The following ABCA12 variants were observed in gnomAD, a reference collection of about 807,000 sequenced individuals.
The protein encoded by ABCA12 is glucosylceramide transporter ABCA12.
ABCA12 carries 156 observed loss-of-function variants against 293.5 expected under a neutral mutation model. The observed-to-expected ratio is 0.53, with a 90% CI of 0.47 to 0.61. The LOEUF is 0.61. ABCA12 is among the 20% of genes least tolerant of loss of function. The pLI is 0.00. For synonymous variants in ABCA12, 1,063 were observed against 1,108.0 expected (o/e 0.96, Z 0.81); for missense variants, 2,797 against 3,090.2 (o/e 0.91, Z 2.25).
chr2:214,999,262 A>T (rs1025591830), intron 22 of ABCA12, among the ~76,000 whole-genome samples: 18 of 152,210 alleles, frequency 1.2e-4, no homozygotes, highest in Non-Finnish European at 1.5e-5. Context: ...ATTCATTAAC[A>T]ACAAATCCCC....
chr2:215,116,448 A>G (rs1315680662), intron 1 of ABCA12, among the ~76,000 whole-genome samples: 2 of 152,214 alleles, frequency 1.3e-5, no homozygotes, highest in African/African-American at 4.8e-5. Flanking sequence ...ATAGATAGGT[A>G]GGTAGATAGA....
At chr2:215,054,449 T>C in intron 4 of ABCA12, 124 bp downstream of exon 4, 1 of 825,268 alleles carries the variant, frequency 1.2e-6, no homozygotes, top group East Asian at 2.6e-5. Context: ...AACGTTTAGA[T>C]CTCACAGGGC....
intron 3 of ABCA12, among the ~76,000 whole-genome samples, chr2:215,056,878 A>G (rs1261439064): frequency 6.6e-6 from 1 of 152,080 alleles, no homozygotes; most frequent in Non-Finnish European, 1.5e-5. Context: ...GAGCAGGATC[A>G]TGTTTATAGA....
chr2:214,944,005 T>C (rs1698494348), intron 49 of ABCA12, among the ~76,000 whole-genome samples: 1 of 152,148 alleles, frequency 6.6e-6, no homozygotes, highest in African/African-American at 2.4e-5. Flanking sequence ...ATGGATAAAA[T>C]GATTTAGTAT....
chr2:215,059,696 T>C (rs537193378), intron 3 of ABCA12, among the ~76,000 whole-genome samples: 1 of 152,064 alleles, frequency 6.6e-6, no homozygotes, highest in South Asian at 2.1e-4. Flanking sequence ...CAGGAACACA[T>C]AGAATATGGG....
chr2:215,093,094 C>A (rs1218739154), intron 2 of ABCA12, among the ~76,000 whole-genome samples: 1 of 152,208 alleles, frequency 6.6e-6, no homozygotes, highest in Non-Finnish European at 1.5e-5. Flanking sequence ...ACAGGACACT[C>A]TCCTGTTCCT....
At chr2:215,059,036 T>C (rs1701476639) in intron 3 of ABCA12, among the ~76,000 whole-genome samples, 3 of 151,996 alleles carry the variant, frequency 2.0e-5, no homozygotes, top group Admixed American at 2.0e-4. Context: ...CATAATCTAT[T>C]TATAAGAGGA....
intron 23 of ABCA12, among the ~76,000 whole-genome samples, chr2:214,991,454 A>G (rs1699910249): frequency 6.6e-6 from 1 of 152,220 alleles, no homozygotes; most frequent in South Asian, 2.1e-4. Flanking sequence ...AGTTCAGTGT[A>G]GAGACTGAGC....
At chr2:215,043,715 T>C (rs1701147865) in intron 7 of ABCA12, among the ~76,000 whole-genome samples, 1 of 152,076 alleles carries the variant, frequency 6.6e-6, no homozygotes, top group Non-Finnish European at 1.5e-5. Flanking sequence ...TTGTATAAAC[T>C]TACGGGGTAC....
Position 214,947,406 on chromosome 2 carries a change from A to G in ABCA12, c.7239+16T>C, listed in dbSNP as rs1296425844. The G allele has an allele frequency of 6.2e-7, 1 of 1,613,654 alleles. No individual in the cohort carries two copies. Among genetic ancestry groups the G allele is most frequent in the African/African-American group, 1.3e-5 (1 of 74,922 alleles). On this transcript the variant is annotated intron_variant, in intron 48 of 52. Coordinates refer to ENST00000272895, the MANE Select transcript of ABCA12 (RefSeq NM_173076.3). ...TCTAATTATGGAGTGGCCTGTTTAA[A>G]TAATGATTCTCTTACCAGCAGTAGA...
At position 215,007,794 on chromosome 2, in the gene ABCA12, C is replaced by CA; in HGVS notation, c.2524dup (p.Trp842LeufsTer4). The CA allele has an allele frequency of 6.2e-7, 1 of 1,614,050 alleles. No homozygotes were observed. The highest frequency in any genetic ancestry group is 8.5e-7 in the Non-Finnish European group (1 of 1,179,960). ...CATGAAAAGTGGCGACTTATCCATC[C>CA]ACTCTTGAGATTTTTCTCTTAATTC... On this transcript the variant is annotated frameshift_variant, in exon 19 of 53. Transcript: ENST00000272895. LOFTEE classifies it high-confidence loss of function.
rs759123901 is a variant in ABCA12 at position 215,049,676 on chromosome 2, TG to T, written c.642del (p.Asn214LysfsTer2). 1 of 1,613,642 alleles carries T rather than the reference TG, an allele frequency of 6.2e-7. No individual in the cohort carries two copies. The highest frequency in any genetic ancestry group is 1.3e-5 in the African/African-American group (1 of 75,022). On this transcript the variant is annotated frameshift_variant, in exon 6 of 53. Coordinates refer to ENST00000272895, the MANE Select transcript of ABCA12 (RefSeq NM_173076.3). LOFTEE classifies it high-confidence loss of function. ...RNVFNKFCLSNMTLLESSLQE... is the reference protein window; with the variant it reads ...RNVFNKFCLSXMTLLESSLQE... ...TGGAGAGAAGACTCTAAAAGGGTCA[TG>T]TTAGAAAGGCAAAATTTGTTAAAAA...
At chr2:215,115,960 C>T (rs10182702) in intron 1 of ABCA12, among the ~76,000 whole-genome samples, 36,711 of 151,996 alleles carry the variant, frequency 0.24, 5,817 homozygotes, top group African/African-American at 0.44. Flanking sequence ...GGCAGGCGAC[C>T]GATTTCATAA....
intron 3 of ABCA12, among the ~76,000 whole-genome samples, chr2:215,059,123 T>A (rs1022331504): frequency 2.0e-5 from 3 of 152,032 alleles, no homozygotes; most frequent in Non-Finnish European, 2.9e-5. Flanking sequence ...TAAGGGTTAG[T>A]TAAATTTGTA....
chr2:215,122,394 G>C (rs1047731516), intron 1 of ABCA12, among the ~76,000 whole-genome samples: 1 of 152,188 alleles, frequency 6.6e-6, no homozygotes, highest in Non-Finnish European at 1.5e-5. Context: ...ATTTCAATCT[G>C]ATTTAGGATT....
chr2:215,121,482 T>G (rs559460548), intron 1 of ABCA12, among the ~76,000 whole-genome samples: 1 of 152,216 alleles, frequency 6.6e-6, no homozygotes, highest in Non-Finnish European at 1.5e-5. Context: ...GGTTATTTGA[T>G]GGTAACAAGA....
At chr2:214,945,731 G>C (rs1698562060) in intron 48 of ABCA12, among the ~76,000 whole-genome samples, 1 of 152,142 alleles carries the variant, frequency 6.6e-6, no homozygotes, top group Non-Finnish European at 1.5e-5. Context: ...GGTTTTGACA[G>C]ATGGTTAAAC....
At chr2:214,962,409 A>G (rs1699138343) in intron 39 of ABCA12, 1 of 152,172 alleles carries the variant, frequency 6.6e-6, no homozygotes, top group Non-Finnish European at 1.5e-5. Flanking sequence ...AGAGTGCTGT[A>G]GGGATCATCA....
At chr2:214,967,235 G>A (rs1699282635) in intron 38 of ABCA12, among the ~76,000 whole-genome samples, 1 of 152,062 alleles carries the variant, frequency 6.6e-6, no homozygotes, top group South Asian at 2.1e-4. Flanking sequence ...AAATAAACTG[G>A]AGAAATCATT....
Sources: gnomAD v4.1 joint callset for allele counts (sites outside exome capture counted in the v4.1 genomes callset) on GRCh38, gnomAD v4.1.1 for gene constraint, MANE v1.5 for transcripts, NCBI Gene and HGNC (gene_info 2026-07-23, HGNC 2026-07-21) for gene names.